Variants in ZPBP observed in about 807,000 individuals in gnomAD.
ZPBP encodes zona pellucida-binding protein 1.
ZPBP carries 26 observed loss-of-function variants against 44.8 expected under a neutral mutation model. The ratio of observed to expected loss-of-function variants is 0.58; its 90% CI spans 0.43 to 0.81. The LOEUF is 0.81. Ranked by LOEUF, ZPBP falls within the 30% of genes least tolerant of loss-of-function variation. ZPBP has a pLI of 0.00. For synonymous variants in ZPBP, 174 were observed against 153.2 expected (o/e 1.14, Z -1.00); for missense variants, 409 against 434.0 (o/e 0.94, Z 0.51).
chr7:50,021,879 C>A (rs939848831), intron 5 of ZPBP, among the ~76,000 whole-genome samples: 9 of 152,094 alleles, frequency 5.9e-5, no homozygotes, highest in Admixed American at 5.9e-4. Flanking sequence ...TCTGTAATAT[C>A]ATTTATAATA....
chr7:50,009,897 AAAG>A (rs1317207632), intron 6 of ZPBP, among the ~76,000 whole-genome samples: 1 of 152,196 alleles, frequency 6.6e-6, no homozygotes, highest in Admixed American at 6.5e-5. Context: ...AAATAACTCC[AAAG>A]AAGAGGAAAT....
intron 7 of ZPBP, among the ~76,000 whole-genome samples, chr7:49,967,038 G>T (rs1214386288): frequency 6.6e-6 from 1 of 152,086 alleles, no homozygotes; most frequent in Non-Finnish European, 1.5e-5. Flanking sequence ...CCTCAAGCTT[G>T]TGCTCTTCTT....
chr7:49,917,389 G>A lies in ZPBP; in HGVS notation n.412-16174C>T, dbSNP rs895484549. ...TCACCCTGAAAAGTATTCAGCCAAAGTTTCAATAGAATTAGGAAACTTAAA... is the reference window on the plus strand; with the variant it reads ...TCACCCTGAAAAGTATTCAGCCAAAATTTCAATAGAATTAGGAAACTTAAA... On this transcript the variant is annotated intron_variant and non_coding_transcript_variant, in intron 1 of 2. Transcript: ENST00000465922. The A allele has an allele frequency of 2.0e-5, 3 of 152,280 alleles. No individual in the cohort carries two copies. In the East Asian group the frequency reaches 5.8e-4, roughly 29 times the overall value. The allele number at this position is 152,280 out of a possible 1,614,324, so 9.4% of individuals were successfully genotyped here.
At chr7:49,844,423 C>A in the ZPBP span, among the ~76,000 whole-genome samples, 3 of 152,190 alleles carry the variant, frequency 2.0e-5, no homozygotes, top group South Asian at 4.1e-4. Context: ...AGTTAGATAA[C>A]TATAGATATG....
chr7:49,951,713 C>T (rs1747537530), intron 7 of ZPBP, among the ~76,000 whole-genome samples: 1 of 151,444 alleles, frequency 6.6e-6, no homozygotes, highest in South Asian at 2.1e-4. Context: ...AGTGGAATGA[C>T]CCTGTAATTC....
At chr7:49,949,817 TAAA>T (rs1795260308) in intron 7 of ZPBP, among the ~76,000 whole-genome samples, 2 of 152,080 alleles carry the variant, frequency 1.3e-5, no homozygotes, top group East Asian at 1.9e-4. Flanking sequence ...TTTACCATAA[TAAA>T]AAGTGATATA....
chr7:49,938,652 G>A (rs1794718484), intron 7 of ZPBP, among the ~76,000 whole-genome samples: 1 of 152,194 alleles, frequency 6.6e-6, no homozygotes, highest in South Asian at 2.1e-4. Flanking sequence ...ATAAGGGGAT[G>A]GCTATCAGGT....
chr7:49,977,101 C>CTAAATAAATAAA (rs376730870), intron 7 of ZPBP, among the ~76,000 whole-genome samples: 11,461 of 138,398 alleles, frequency 0.083, 615 homozygotes, highest in African/African-American at 0.13. Flanking sequence ...GACTCCGTCT[C>CTAAATAAATAAA]TAAATAAATA....
chr7:49,958,979 G>A (rs1274792775), intron 7 of ZPBP, among the ~76,000 whole-genome samples: 3 of 151,952 alleles, frequency 2.0e-5, no homozygotes, highest in East Asian at 3.9e-4. Context: ...TAAATAAAAG[G>A]ACCATGACCA....
chr7:49,983,298 A>T (rs766199167), intron 7 of ZPBP, 44 bp downstream of exon 7: 3 of 1,582,048 alleles, frequency 1.9e-6, no homozygotes, highest in Non-Finnish European at 1.7e-6. Context: ...AAAACACATA[A>T]ATTTTCAACA....
intron 1 of ZPBP, among the ~76,000 whole-genome samples, chr7:49,925,664 A>C (rs73113240): frequency 1.6e-4 from 24 of 152,240 alleles, no homozygotes; most frequent in Non-Finnish European, 2.5e-4. Flanking sequence ...CACACTTTGC[A>C]CTCATGTCCA....
intron 6 of ZPBP, among the ~76,000 whole-genome samples, chr7:50,013,287 T>C (rs991343526): frequency 2.0e-5 from 3 of 151,896 alleles, no homozygotes; most frequent in African/African-American, 7.2e-5. Context: ...AAAACCTGCA[T>C]AATGTAACAG....
chr7:49,949,634 G>A (rs914115145), intron 7 of ZPBP, among the ~76,000 whole-genome samples: 1 of 151,928 alleles, frequency 6.6e-6, no homozygotes, highest in African/African-American at 2.4e-5. Flanking sequence ...AGGGAGAAGG[G>A]AATGGGGAGT....
At chr7:50,088,125 A>C (rs1296598219) in intron 2 of ZPBP, among the ~76,000 whole-genome samples, 1 of 152,096 alleles carries the variant, frequency 6.6e-6, no homozygotes. Flanking sequence ...ATAAACCCAT[A>C]CATCTGGGGC....
Position 49,962,855 on chromosome 7 carries a change from T to C in ZPBP, c.961+20487A>G, listed in dbSNP as rs145540305. ...TGAATTGGATCTAAGCAAAGATTTC[T>C]TGGACAGACACAATATCCTTGGAAC... On this transcript the variant is annotated intron_variant, in intron 7 of 7. Coordinates refer to ENST00000046087, the MANE Select transcript of ZPBP (RefSeq NM_007009.3). Among the ~76,000 whole-genome samples, 429 of 151,874 alleles carry C rather than the reference T, an allele frequency of 2.8e-3. 2 individuals are homozygous for C. The highest frequency in any genetic ancestry group is 9.9e-3 in the African/African-American group (413 of 41,544).
intron 7 of ZPBP, among the ~76,000 whole-genome samples, chr7:49,980,219 A>ACATAT (rs1796768057): frequency 2.5e-5 from 3 of 120,344 alleles, no homozygotes; most frequent in African/African-American, 9.6e-5. Flanking sequence ...TATAATATAA[A>ACATAT]ATTATATAAT....
At chr7:50,036,709 T>C (rs971930814) in intron 4 of ZPBP, among the ~76,000 whole-genome samples, 3 of 152,120 alleles carry the variant, frequency 2.0e-5, no homozygotes, top group African/African-American at 7.2e-5. Flanking sequence ...TATCAGTAAT[T>C]GTGGGATGCA....
intron 2 of ZPBP, among the ~76,000 whole-genome samples, chr7:49,858,710 A>T (rs970943099): frequency 3.7e-5 from 5 of 135,656 alleles, no homozygotes; most frequent in African/African-American, 1.9e-4. Flanking sequence ...AATAATAATA[A>T]AAAAAAGAAA....
At chr7:49,854,459 G>A (rs1375307805) in intron 2 of ZPBP, among the ~76,000 whole-genome samples, 2 of 152,028 alleles carry the variant, frequency 1.3e-5, no homozygotes, top group Non-Finnish European at 1.5e-5. Context: ...TTCTCTGATG[G>A]CCAGTGATGA....
Sources: allele counts gnomAD v4.1 joint callset (sites outside exome capture counted in the v4.1 genomes callset), GRCh38; gene constraint gnomAD v4.1.1; transcripts MANE v1.5; gene names NCBI Gene and HGNC (gene_info 2026-07-23, HGNC 2026-07-21).